FAHD2A: variants seen among roughly 807,000 people sequenced by gnomAD.
The protein encoded by FAHD2A is fumarylacetoacetate hydrolase domain containing 2A.
Under a neutral mutation model 33.4 loss-of-function variants are expected in FAHD2A, and 27 were observed. The ratio of observed to expected loss-of-function variants is 0.81; its 90% CI spans 0.60 to 1.11. The LOEUF is 1.11. FAHD2A is among the 50% of genes most tolerant of loss of function. The pLI is 0.00. For synonymous variants in FAHD2A, 130 were observed against 153.3 expected, an observed-to-expected ratio of 0.85 and a Z score of 1.12; for missense variants, 296 against 395.0, an observed-to-expected ratio of 0.75 and a Z score of 2.12.
chr2:95,412,790 A>G, intron 7 of FAHD2A, 26 bp downstream of exon 7: 1 of 1,614,206 alleles, frequency 6.2e-7, no homozygotes, highest in Non-Finnish European at 8.5e-7. Flanking sequence ...GCAAAGAGCA[A>G]GGGCCCCAAA....
At position 95,412,487 on chromosome 2, in the gene FAHD2A, G is replaced by A. The variant is rs1045349; in HGVS notation, c.739G>A (p.Gly247Ser). The change falls in exon 6 of 8, where the codon GGC becomes AGC. Residue 247 changes from glycine to serine, a missense_variant. Transcript: ENST00000233379. ...CRVNGEVVQSGNTNQMVFKTE... is the reference protein window; with the variant it reads ...CRVNGEVVQSSNTNQMVFKTE... Reference sequence around the variant, plus strand: ...AGTGAATGGGGAAGTGGTCCAGAGCGGCAACACCAACCAGATGGTATTCAA... The same window carrying A: ...AGTGAATGGGGAAGTGGTCCAGAGCAGCAACACCAACCAGATGGTATTCAA... 1.1e-5 allele frequency: 18 copies of A among 1,613,790 alleles called. No individual in the cohort carries two copies. The highest frequency in any genetic ancestry group is 1.6e-4 in the Middle Eastern group (1 of 6,078).
rs915336475 is a variant in FAHD2A at position 95,414,398 on chromosome 2, A to T, written c.*1441A>T. On this transcript the variant is annotated 3_prime_UTR_variant, in exon 8 of 8. Transcript: ENST00000233379. ...CTGGGAAAACAGAGGATGTGGTGGG[A>T]TGGGGAAGGAAAGGTTGTGGAAGGC... is the stretch of plus-strand genomic sequence containing the variant. 1.3e-4 allele frequency: 79 copies of T among 628,916 alleles called. No homozygotes were observed. The highest frequency in any genetic ancestry group is 2.6e-5 in the Non-Finnish European group (9 of 341,384). 39.0% of individuals were successfully genotyped at this position (628,916 alleles called of 1,614,324 possible). A position where few individuals can be genotyped will look rare whatever the true frequency, so the allele number is the denominator to read the frequency against.
At position 95,413,026 on chromosome 2, in the gene FAHD2A, G is replaced by A; in HGVS notation, c.*69G>A. ...CCCACTCAGCCTAGCCCAGGGAAAG[G>A]CCCAGTGACAGGTGTGGACAGGTGC... On this transcript the variant is annotated 3_prime_UTR_variant, in exon 8 of 8. Transcript: ENST00000233379. 6.3e-7 allele frequency: 1 copy of A among 1,579,964 alleles called. No homozygotes were observed.
intron 3 of FAHD2A, among the ~76,000 whole-genome samples, chr2:95,407,832 C>G (rs1681851346): frequency 1.3e-5 from 2 of 152,168 alleles, no homozygotes; most frequent in African/African-American, 4.8e-5. Context: ...ACACATCCAC[C>G]AGTAGTGTAT....
chr2:95,420,681 G>C (rs1186762667), downstream of FAHD2A, among the ~76,000 whole-genome samples: 2 of 151,834 alleles, frequency 1.3e-5, no homozygotes, highest in Non-Finnish European at 2.9e-5. Flanking sequence ...TGAAAATATA[G>C]AGACATTTTT....
Position 95,412,525 on chromosome 2 carries a change from G to C in FAHD2A, c.777G>C (p.Leu259=). 6.2e-7 allele frequency: 1 copy of C among 1,613,984 alleles called. No individual in the cohort carries two copies. The highest frequency in any genetic ancestry group is 8.5e-7 in the Non-Finnish European group (1 of 1,179,866). Residue 259 remains leucine, a synonymous_variant, in exon 6 of 8, where the codon CTG becomes CTC. Coordinates refer to ENST00000233379, the MANE Select transcript of FAHD2A (RefSeq NM_016044.3). Reference sequence around the variant, plus strand: ...AGATGGTATTCAAGACAGAGGACCTGATAGCCTGGGTCTCCCAGTGAGTGA... The same window carrying C: ...AGATGGTATTCAAGACAGAGGACCTCATAGCCTGGGTCTCCCAGTGAGTGA... ...TNQMVFKTED[L]IAWVSQFVTF...
downstream of FAHD2A, among the ~76,000 whole-genome samples, chr2:95,419,722 G>T (rs1390759856): frequency 1.3e-5 from 2 of 151,876 alleles, no homozygotes; most frequent in Non-Finnish European, 2.9e-5. Flanking sequence ...CAGAGAAACA[G>T]AATTAATACA....
chr2:95,413,915 G>C lies in FAHD2A; in HGVS notation c.*958G>C, dbSNP rs1682902530. 2 of 1,085,888 alleles carry C rather than the reference G, an allele frequency of 1.8e-6. No homozygotes were observed. Among genetic ancestry groups the C allele is most frequent in the Non-Finnish European group, 1.4e-6 (1 of 700,578 alleles). The allele number at this position is 1,085,888 out of a possible 1,614,324, so 67.3% of individuals were successfully genotyped here. Reference sequence around the variant, plus strand: ...GGGTTTCCCTGAGCCACTCTATTGGGGTGGGAGCAGGGGGACAGAAGATGG... The same window carrying C: ...GGGTTTCCCTGAGCCACTCTATTGGCGTGGGAGCAGGGGGACAGAAGATGG... On this transcript the variant is annotated 3_prime_UTR_variant, in exon 8 of 8. Transcript: ENST00000233379.
chr2:95,410,683 A>C, intron 4 of FAHD2A, 97 bp downstream of exon 4: 2 of 1,570,814 alleles, frequency 1.3e-6, no homozygotes, highest in Non-Finnish European at 1.7e-6. Flanking sequence ...ACACGGTGCC[A>C]GCTGTCCCTG....
At chr2:95,406,511 C>T (rs1237785897) in intron 2 of FAHD2A, among the ~76,000 whole-genome samples, 1 of 151,840 alleles carries the variant, frequency 6.6e-6, no homozygotes, top group Non-Finnish European at 1.5e-5. Context: ...AGGACACTCT[C>T]TATGTATTGT....
At position 95,412,531 on chromosome 2, in the gene FAHD2A, C is replaced by G. The variant is rs370862636; in HGVS notation, c.783C>G (p.Ala261=). The change falls in exon 6 of 8, where the codon GCC becomes GCG. Residue 261 remains alanine, a synonymous_variant. Coordinates refer to ENST00000233379, the MANE Select transcript of FAHD2A (RefSeq NM_016044.3). The part of the protein sequence containing the change: ...QMVFKTEDLI[A]WVSQFVTFYP... ...TATTCAAGACAGAGGACCTGATAGC[C>G]TGGGTCTCCCAGTGAGTGACAGGGG... 50 of 1,613,872 alleles carry G rather than the reference C, an allele frequency of 3.1e-5. No homozygotes were observed. The highest frequency in any genetic ancestry group is 4.1e-5 in the Non-Finnish European group (48 of 1,179,876).
intron 5 of FAHD2A, among the ~76,000 whole-genome samples, chr2:95,411,572 A>G (rs1189815438): frequency 6.6e-6 from 1 of 152,234 alleles, no homozygotes; most frequent in Non-Finnish European, 1.5e-5. Context: ...CCAGGATACC[A>G]AAGACCCCAG....
In FAHD2A at chr2:95,413,024, A is replaced by C; in HGVS notation, c.*67A>C. 1 of 1,583,788 alleles carries C rather than the reference A, an allele frequency of 6.3e-7. No homozygotes were observed. Among genetic ancestry groups the C allele is most frequent in the African/African-American group, 1.3e-5 (1 of 74,460 alleles). On this transcript the variant is annotated 3_prime_UTR_variant, in exon 8 of 8. Coordinates refer to ENST00000233379, the MANE Select transcript of FAHD2A (RefSeq NM_016044.3). ...CTCCCACTCAGCCTAGCCCAGGGAA[A>C]GGCCCAGTGACAGGTGTGGACAGGT...
rs748282752 is a variant in FAHD2A at position 95,412,973 on chromosome 2, C to A, written c.*16C>A. The A allele has an allele frequency of 1.7e-5, 28 of 1,613,448 alleles. No homozygotes were observed. The South Asian group carries it at 2.9e-4, about 16-fold the overall frequency. On this transcript the variant is annotated 3_prime_UTR_variant, in exon 8 of 8. Transcript: ENST00000233379. ...GGTGGTGTGATGGCTCCTGCACAGG[C>A]CCTGCACATAGGATGAGGGCATCTG...
Position 95,413,793 on chromosome 2 carries a change from C to A in FAHD2A, c.*836C>A, listed in dbSNP as rs1190032850. 4 of 708,030 alleles carry A rather than the reference C, an allele frequency of 5.6e-6. No homozygotes were observed. Among genetic ancestry groups the A allele is most frequent in the Non-Finnish European group, 9.9e-6 (4 of 404,274 alleles). The allele number at this position is 708,030 out of a possible 1,614,324, so 43.9% of individuals were successfully genotyped here. On this transcript the variant is annotated 3_prime_UTR_variant, in exon 8 of 8. Coordinates refer to ENST00000233379, the MANE Select transcript of FAHD2A (RefSeq NM_016044.3). The stretch of plus-strand genomic sequence containing the variant: ...CAGGAAACCATCCCACCTTCTCCAA[C>A]CCATCACCACGTCTATTGCTGGAAG...
chr2:95,413,826 G>A lies in FAHD2A; in HGVS notation c.*869G>A. ...CACGTCTATTGCTGGAAGACACCAA[G>A]TAAATCCCAGGGTCTTAATGAGGCA... On this transcript the variant is annotated 3_prime_UTR_variant, in exon 8 of 8. Coordinates refer to ENST00000233379, the MANE Select transcript of FAHD2A (RefSeq NM_016044.3). 1.4e-6 allele frequency: 1 copy of A among 728,526 alleles called. No homozygotes were observed. Among genetic ancestry groups the A allele is most frequent in the South Asian group, 1.7e-5 (1 of 57,962 alleles). The allele number at this position is 728,526 out of a possible 1,614,324, so 45.1% of individuals were successfully genotyped here.
intron 1 of FAHD2A, among the ~76,000 whole-genome samples, chr2:95,403,556 A>G (rs767834905): frequency 4.6e-5 from 7 of 152,114 alleles, no homozygotes; most frequent in East Asian, 1.9e-4. Context: ...AGGATTTCCT[A>G]TGGAAGGTCC....
chr2:95,407,257 G>C (rs942320186), intron 3 of FAHD2A, 100 bp downstream of exon 3: 1 of 1,521,002 alleles, frequency 6.6e-7, no homozygotes, highest in Non-Finnish European at 9.0e-7. Context: ...GCTCAATAGC[G>C]CATTCAGCAG....
chr2:95,420,960 G>C (rs1303883737), downstream of FAHD2A, among the ~76,000 whole-genome samples: 1 of 151,098 alleles, frequency 6.6e-6, no homozygotes, highest in South Asian at 2.1e-4. Flanking sequence ...AGAATTAATG[G>C]TAACTAACTT....
Sources: gnomAD v4.1 joint callset for allele counts (sites outside exome capture counted in the v4.1 genomes callset) on GRCh38, gnomAD v4.1.1 for gene constraint, MANE v1.5 for transcripts, NCBI Gene and HGNC (gene_info 2026-07-23, HGNC 2026-07-21) for gene names.